Variants in CCDC148 observed in about 807,000 individuals in gnomAD.
The protein encoded by CCDC148 is coiled-coil domain containing 148.
A neutral mutation model predicts 85.7 loss-of-function variants in CCDC148; 89 were observed. That is an observed-to-expected ratio of 1.04 (90% CI 0.87 to 1.24). The LOEUF is 1.24. CCDC148 is among the 50% of genes most tolerant of loss of function. The pLI, the probability that CCDC148 is intolerant of heterozygous loss-of-function variation, is 0.00. For missense variants in CCDC148, 692 were observed against 671.7 expected (o/e 1.03, Z -0.33); for synonymous variants, 230 against 213.9 (o/e 1.08, Z -0.66).
At chr2:158,254,163 T>G (rs552029558) in intron 9 of CCDC148, among the ~76,000 whole-genome samples, 1 of 151,858 alleles carries the variant, frequency 6.6e-6, no homozygotes, top group Middle Eastern at 3.4e-3. Context: ...GATTCTGATG[T>G]AAATAAACCA....
chr2:158,294,956 C>T (rs1057168790), intron 9 of CCDC148, among the ~76,000 whole-genome samples: 47 of 151,688 alleles, frequency 3.1e-4, no homozygotes, highest in African/African-American at 1.1e-3. Context: ...TTTAGACTTT[C>T]TGATAGGTAA....
chr2:158,333,871 C>A (rs1345710545), intron 7 of CCDC148, among the ~76,000 whole-genome samples: 1 of 152,086 alleles, frequency 6.6e-6, no homozygotes, highest in Admixed American at 6.6e-5. Context: ...AGTCCTCCAA[C>A]TTTGCTCTTC....
intron 9 of CCDC148, among the ~76,000 whole-genome samples, chr2:158,259,621 C>T (rs1052358036): frequency 1.1e-5 from 1 of 93,336 alleles, no homozygotes; most frequent in Non-Finnish European, 2.6e-5. Flanking sequence ...CTGCTCAAGC[C>T]TCTTAATAGC....
chr2:158,405,164 G>A (rs909385858), intron 1 of CCDC148, among the ~76,000 whole-genome samples: 3 of 152,228 alleles, frequency 2.0e-5, no homozygotes, highest in African/African-American at 4.8e-5. Flanking sequence ...ATAGGGCCAG[G>A]AGGAACAGGG....
intron 11 of CCDC148, among the ~76,000 whole-genome samples, chr2:158,191,934 G>GT (rs997481682): frequency 1.3e-4 from 20 of 151,952 alleles, no homozygotes; most frequent in African/African-American, 4.6e-4. Context: ...CTACCCTGTA[G>GT]TTTTTTCAGG....
intron 7 of CCDC148, among the ~76,000 whole-genome samples, chr2:158,322,836 TA>T (rs1256535623): frequency 5.9e-5 from 9 of 152,052 alleles, no homozygotes; most frequent in African/African-American, 2.2e-4. Flanking sequence ...CGAATAATAA[TA>T]GAATATTAAT....
chr2:158,354,456 G>T (rs920540212), intron 2 of CCDC148, among the ~76,000 whole-genome samples: 4 of 151,360 alleles, frequency 2.6e-5, no homozygotes, highest in South Asian at 2.1e-4. Context: ...ACACCTCTAC[G>T]CAAATAAACT....
At chr2:158,439,355 T>A (rs1488384881) in intron 1 of CCDC148, among the ~76,000 whole-genome samples, 1 of 152,026 alleles carries the variant, frequency 6.6e-6, no homozygotes, top group Non-Finnish European at 1.5e-5. Flanking sequence ...AAACCATCAT[T>A]CTCAGGAAAC....
At chr2:158,284,367 A>C (rs1690512925) in intron 9 of CCDC148, among the ~76,000 whole-genome samples, 1 of 152,222 alleles carries the variant, frequency 6.6e-6, no homozygotes, top group Non-Finnish European at 1.5e-5. Flanking sequence ...TATTTTTTAT[A>C]ATTAATAATA....
intron 1 of CCDC148, among the ~76,000 whole-genome samples, chr2:158,370,366 A>C (rs534411349): frequency 6.6e-6 from 1 of 152,262 alleles, no homozygotes; most frequent in South Asian, 2.1e-4. Flanking sequence ...GTAAAAAATT[A>C]ATTTATCAAA....
intron 1 of CCDC148, among the ~76,000 whole-genome samples, chr2:158,383,713 C>G (rs898925999): frequency 6.6e-6 from 1 of 152,142 alleles, no homozygotes; most frequent in African/African-American, 2.4e-5. Flanking sequence ...GATTTCCCAT[C>G]CCTCCTGAAT....
intron 1 of CCDC148, among the ~76,000 whole-genome samples, chr2:158,371,152 G>A (rs527441045): frequency 5.3e-5 from 8 of 151,940 alleles, no homozygotes; most frequent in Non-Finnish European, 1.2e-4. Flanking sequence ...AAAAGAAATT[G>A]GATTTCATGA....
chr2:158,179,573 C>T (rs985624004), intron 11 of CCDC148, among the ~76,000 whole-genome samples: 12 of 152,048 alleles, frequency 7.9e-5, no homozygotes, highest in Admixed American at 2.0e-4. Flanking sequence ...GGCTAACCTG[C>T]CCTGAGAGGT....
intron 12 of CCDC148, 67 bp downstream of exon 12, chr2:158,178,812 T>C (rs1684720881): frequency 2.7e-6 from 3 of 1,092,742 alleles, no homozygotes; most frequent in Non-Finnish European, 4.2e-6. Context: ...GTAAGAATGC[T>C]ATTAAGAGCA....
intron 7 of CCDC148, among the ~76,000 whole-genome samples, chr2:158,315,040 C>A (rs1692215942): frequency 6.6e-6 from 1 of 151,950 alleles, no homozygotes; most frequent in South Asian, 2.1e-4. Context: ...CTATCTGTTT[C>A]ATAATAGGGG....
intron 1 of CCDC148, chr2:158,365,906 G>A (rs1208732809): frequency 1.4e-6 from 1 of 732,778 alleles, no homozygotes; most frequent in East Asian, 2.9e-5. Context: ...CAGAAAGTGA[G>A]CTTTCCATTA....
At chr2:158,407,767 T>G (rs1686088405) in intron 1 of CCDC148, among the ~76,000 whole-genome samples, 1 of 152,170 alleles carries the variant, frequency 6.6e-6, no homozygotes, top group African/African-American at 2.4e-5. Flanking sequence ...AGAAGCCTGG[T>G]AATTGTATGC....
intron 9 of CCDC148, among the ~76,000 whole-genome samples, chr2:158,258,798 T>G (rs1689106682): frequency 6.6e-6 from 1 of 151,684 alleles, no homozygotes; most frequent in African/African-American, 2.4e-5. Flanking sequence ...GCAGAGAAAA[T>G]ACTTTACTGA....
intron 10 of CCDC148, among the ~76,000 whole-genome samples, chr2:158,226,170 T>C (rs1399687641): frequency 4.6e-5 from 7 of 152,170 alleles, no homozygotes; most frequent in Non-Finnish European, 8.8e-5. Context: ...GAGAATACTA[T>C]GAACACCTCT....
Sources: gnomAD v4.1 joint callset for allele counts (sites outside exome capture counted in the v4.1 genomes callset) on GRCh38, gnomAD v4.1.1 for gene constraint, MANE v1.5 for transcripts, NCBI Gene and HGNC (gene_info 2026-07-23, HGNC 2026-07-21) for gene names.